SLC7A14: variants seen among roughly 807,000 people sequenced by gnomAD.
SLC7A14 encodes the protein gamma-aminobutyric acid transporter SLC7A14.
A neutral mutation model predicts 60.2 loss-of-function variants in SLC7A14; 37 were observed. The observed-to-expected ratio is 0.61, with a 90% CI of 0.47 to 0.81. SLC7A14 has a LOEUF of 0.81. Among genes scored for constraint, SLC7A14 ranks in the 30% least tolerant of loss-of-function variants. The pLI is 0.00. For synonymous variants in SLC7A14, 399 were observed against 395.8 expected, an observed-to-expected ratio of 1.01 and a Z score of -0.10; for missense variants, 886 against 982.7, an observed-to-expected ratio of 0.90 and a Z score of 1.32.
At chr3:170,576,188 A>G (rs941698472) in intron 1 of SLC7A14, among the ~76,000 whole-genome samples, 1 of 152,164 alleles carries the variant, frequency 6.6e-6, no homozygotes, top group African/African-American at 2.4e-5. Context: ...AGCATGTGTC[A>G]TGTTGCATAC....
At chr3:170,562,198 T>C (rs1172192130) in intron 1 of SLC7A14, among the ~76,000 whole-genome samples, 1 of 152,154 alleles carries the variant, frequency 6.6e-6, no homozygotes, top group African/African-American at 2.4e-5. Context: ...CACACATATC[T>C]AGAGCAGCAC....
chr3:170,565,871 A>G (rs1714774606), intron 1 of SLC7A14, among the ~76,000 whole-genome samples: 1 of 152,198 alleles, frequency 6.6e-6, no homozygotes, highest in Non-Finnish European at 1.5e-5. Flanking sequence ...ATGGAAAAAA[A>G]CAAGAAATGG....
intron 3 of SLC7A14, among the ~76,000 whole-genome samples, chr3:170,500,664 T>C (rs1353361829): frequency 6.6e-6 from 1 of 152,188 alleles, no homozygotes; most frequent in African/African-American, 2.4e-5. Context: ...CTGACAGTTC[T>C]TTTTTTCCTG....
intron 1 of SLC7A14, among the ~76,000 whole-genome samples, chr3:170,583,992 G>C (rs755995475): frequency 6.6e-6 from 1 of 152,146 alleles, no homozygotes; most frequent in Admixed American, 6.5e-5. Context: ...CAAAATGAAG[G>C]CATGAAAATG....
chr3:170,524,520 A>C (rs1304236632), intron 2 of SLC7A14, among the ~76,000 whole-genome samples: 4 of 152,086 alleles, frequency 2.6e-5, no homozygotes, highest in Non-Finnish European at 5.9e-5. Context: ...AAAATGGATG[A>C]GATCTATTGA....
At chr3:170,517,877 G>A (rs1300165477) in intron 2 of SLC7A14, among the ~76,000 whole-genome samples, 2 of 152,300 alleles carry the variant, frequency 1.3e-5, no homozygotes, top group East Asian at 1.9e-4. Context: ...TAAGGGTGTC[G>A]AGAAAAATAT....
intron 1 of SLC7A14, among the ~76,000 whole-genome samples, chr3:170,545,626 C>G (rs970033022): frequency 6.6e-6 from 1 of 152,178 alleles, no homozygotes; most frequent in Non-Finnish European, 1.5e-5. Context: ...CCTGGTTCTC[C>G]CATCACTGGT....
chr3:170,499,527 A>C (rs1359388643), intron 3 of SLC7A14, among the ~76,000 whole-genome samples: 1 of 152,160 alleles, frequency 6.6e-6, no homozygotes, highest in African/African-American at 2.4e-5. Flanking sequence ...TAGGTCTAAC[A>C]TGTTTGAAAA....
At position 170,532,100 on chromosome 3, in the gene SLC7A14, C is replaced by T. The variant is rs1400733007; in HGVS notation, c.-152-5012G>A. Among the ~76,000 whole-genome samples, 1 of 152,198 alleles carries T rather than the reference C, an allele frequency of 6.6e-6. No individual in the cohort carries two copies. The highest frequency in any genetic ancestry group is 1.5e-5 in the Non-Finnish European group (1 of 68,036). ...ATGCTAAGGGACTACAAAAATCCCT[C>T]ATGACACACTCGATGAGTAGTTGTC... On this transcript the variant is annotated intron_variant, in intron 1 of 7. Coordinates refer to ENST00000231706, the MANE Select transcript of SLC7A14 (RefSeq NM_020949.3). This position sits in a 1 kb window ranked among gnomAD's most constrained non-coding sequence, Gnocchi z 4.0.
chr3:170,468,132 T>C (rs1404803816), intron 7 of SLC7A14, among the ~76,000 whole-genome samples: 1 of 152,204 alleles, frequency 6.6e-6, no homozygotes, highest in Non-Finnish European at 1.5e-5. Flanking sequence ...TGAGAACTCC[T>C]GATAAGCGTG....
chr3:170,491,290 A>T (rs1448666033), intron 4 of SLC7A14, among the ~76,000 whole-genome samples: 1 of 152,246 alleles, frequency 6.6e-6, no homozygotes, highest in Non-Finnish European at 1.5e-5. Flanking sequence ...TAGCTATTAG[A>T]AAGTTAATTA....
intron 2 of SLC7A14, among the ~76,000 whole-genome samples, chr3:170,511,150 T>G (rs1442953808): frequency 6.6e-6 from 1 of 152,144 alleles, no homozygotes; most frequent in Non-Finnish European, 1.5e-5. Flanking sequence ...ACGCTTGTAA[T>G]CCCAGCATTT....
Position 170,483,452 on chromosome 3 carries a change from A to T in SLC7A14, c.977T>A (p.Phe326Tyr). 1 of 1,614,196 alleles carries T rather than the reference A, an allele frequency of 6.2e-7. No individual in the cohort carries two copies. Among genetic ancestry groups the T allele is most frequent in the Non-Finnish European group, 8.5e-7 (1 of 1,180,042 alleles). ...GGCAGCATAGAACCCATGAGCCACA[A>T]ACATCTCCATGAGTGGGGATTCCGT... ...IDTESPLMEMFVAHGFYAAKF... is the reference protein window; with the variant it reads ...IDTESPLMEMYVAHGFYAAKF... The change falls in exon 6 of 8, where the codon TTT (phenylalanine) becomes TAT (tyrosine). Residue 326 changes from phenylalanine (F) to tyrosine (Y), a missense_variant. By Grantham distance (22) the Phe-to-Tyr change is conservative. Coordinates refer to ENST00000231706, the MANE Select transcript of SLC7A14 (RefSeq NM_020949.3).
At chr3:170,570,917 G>A (rs1714935757) in intron 1 of SLC7A14, among the ~76,000 whole-genome samples, 1 of 151,894 alleles carries the variant, frequency 6.6e-6, no homozygotes, top group South Asian at 2.1e-4. Flanking sequence ...GGTGAGGTCT[G>A]GGCTTTTAGT....
At chr3:170,516,057 T>G (rs1713147743) in intron 2 of SLC7A14, among the ~76,000 whole-genome samples, 1 of 152,270 alleles carries the variant, frequency 6.6e-6, no homozygotes, top group Admixed American at 6.5e-5. Context: ...CTGCAGAAGA[T>G]GTAAAAGAAG....
At chr3:170,584,696 T>G (rs1296457631) in intron 1 of SLC7A14, among the ~76,000 whole-genome samples, 2 of 152,170 alleles carry the variant, frequency 1.3e-5, no homozygotes, top group African/African-American at 4.8e-5. Flanking sequence ...GCACCCAGCC[T>G]CTGAGAACTT....
At position 170,512,654 on chromosome 3, in the gene SLC7A14, A is replaced by ATTTTTTTTTTTTTTT. The variant is rs71176570; in HGVS notation, c.305-11324_305-11310dup. Among the ~76,000 whole-genome samples, 2 of 63,168 alleles carry ATTTTTTTTTTTTTTT rather than the reference A, an allele frequency of 3.2e-5. 1 individual carries two copies. Among genetic ancestry groups the ATTTTTTTTTTTTTTT allele is most frequent in the Non-Finnish European group, 5.6e-5 (2 of 35,928 alleles). 41.4% of individuals were successfully genotyped at this position (63,168 alleles called of 152,430 possible). On this transcript the variant is annotated intron_variant, in intron 2 of 7. Transcript: ENST00000231706. Reference sequence around the variant, plus strand: ...TATAGGGCACATGTGTACAATTTGCATTTTTTTTTTTTTTTTTTTTTTTTT... The same window carrying ATTTTTTTTTTTTTTT: ...TATAGGGCACATGTGTACAATTTGCATTTTTTTTTTTTTTTTTTTTTTTTTTTTTTTTTTTTTTTT...
intron 7 of SLC7A14, 107 bp from the exon 8 acceptor site, chr3:170,467,484 G>C: frequency 1.5e-6 from 1 of 656,476 alleles, no homozygotes; most frequent in East Asian, 3.5e-5. Flanking sequence ...CGGGGTGGGG[G>C]GCGGTGGGGG....
intron 7 of SLC7A14, among the ~76,000 whole-genome samples, chr3:170,470,127 C>A (rs1161846402): frequency 6.6e-6 from 1 of 152,114 alleles, no homozygotes; most frequent in Admixed American, 6.5e-5. Context: ...AGTGACTTGC[C>A]TGGGTCTGAG....
Sources: allele counts gnomAD v4.1 joint callset (sites outside exome capture counted in the v4.1 genomes callset), GRCh38; gene constraint gnomAD v4.1.1; non-coding constraint Gnocchi (gnomAD v3.1); transcripts MANE v1.5; gene names NCBI Gene and HGNC (gene_info 2026-07-23, HGNC 2026-07-21).